PLEKHA1: variants seen among roughly 807,000 people sequenced by gnomAD.
The protein encoded by PLEKHA1 is pleckstrin homology domain containing A1.
Under a neutral mutation model 52.0 loss-of-function variants are expected in PLEKHA1, and 34 were observed. The ratio of observed to expected loss-of-function variants is 0.65; its 90% CI spans 0.50 to 0.87. The LOEUF is 0.87. Ranked by LOEUF, PLEKHA1 falls within the 40% of genes least tolerant of loss-of-function variation. The probability of loss-of-function intolerance (pLI) is 0.00; values close to 1 mark genes in which losing one functional copy is unlikely to be tolerated. For synonymous variants in PLEKHA1, 163 were observed against 170.7 expected (o/e 0.95, Z 0.35); for missense variants, 497 against 504.2 (o/e 0.99, Z 0.14).
intron 7 of PLEKHA1, among the ~76,000 whole-genome samples, chr10:122,417,563 T>C (rs2097195802): frequency 6.7e-6 from 1 of 149,282 alleles, no homozygotes; most frequent in Non-Finnish European, 1.5e-5. Flanking sequence ...GCAGGAGAAT[T>C]GCTTGAACCC....
At chr10:122,413,820 G>A (rs2097138749) in intron 6 of PLEKHA1, among the ~76,000 whole-genome samples, 4 of 152,008 alleles carry the variant, frequency 2.6e-5, no homozygotes, top group Admixed American at 1.3e-4. Context: ...TAATCAATTG[G>A]TATTGCCAAG....
rs553822956 is a variant in PLEKHA1 at position 122,419,294 on chromosome 10, C to T, written c.681+1326C>T. On this transcript the variant is annotated intron_variant, in intron 8 of 11. Coordinates refer to ENST00000368990, the MANE Select transcript of PLEKHA1 (RefSeq NM_001001974.4). ...AGACTCTTGTAGTCTTTTATGATCA[C>T]AGGGCCTGGCACTTGATAGACAATA... 4.6e-5 allele frequency: 7 copies of T among 152,298 alleles called. No individual in the cohort carries two copies. The South Asian group carries it at 1.0e-3, about 23-fold the overall frequency. 9.4% of individuals were successfully genotyped at this position (152,298 alleles called of 1,614,324 possible). A position where few individuals can be genotyped will look rare whatever the true frequency, so the allele number is the denominator to read the frequency against.
intron 5 of PLEKHA1, among the ~76,000 whole-genome samples, chr10:122,410,198 C>A (rs934191623): frequency 2.0e-5 from 3 of 152,184 alleles, no homozygotes; most frequent in African/African-American, 7.2e-5. Context: ...TCTTGTTCAT[C>A]TTTTTATTCT....
intron 3 of PLEKHA1, 54 bp from the exon 4 acceptor site, chr10:122,400,289 T>C: frequency 1.4e-6 from 2 of 1,434,662 alleles, no homozygotes; most frequent in Non-Finnish European, 1.9e-6. Flanking sequence ...TATATAAGGT[T>C]GGTTTTAGGA....
downstream of PLEKHA1, chr10:122,432,667 A>G (rs2097423885): frequency 6.6e-6 from 1 of 152,020 alleles, no homozygotes; most frequent in Non-Finnish European, 1.5e-5. Context: ...GGCTGCTCAC[A>G]GTGCTCCATG....
chr10:122,437,371 G>T, the PLEKHA1 span: 7,896 of 152,268 alleles, frequency 0.052, 256 homozygotes, highest in East Asian at 0.14. Flanking sequence ...GATCATGATT[G>T]CAGTATTGGT....
intron 8 of PLEKHA1, 103 bp from the exon 9 acceptor site, chr10:122,424,096 G>C (rs1401735878): frequency 7.2e-7 from 1 of 1,391,680 alleles, no homozygotes. Context: ...CAGAAAAGAA[G>C]TGTGATTTTC....
intron 2 of PLEKHA1, 56 bp from the exon 3 acceptor site, chr10:122,397,862 T>C (rs1256948621): frequency 3.0e-6 from 4 of 1,317,722 alleles, no homozygotes; most frequent in Non-Finnish European, 4.3e-6. Flanking sequence ...AACATTATAT[T>C]ATAAAATGAA....
chr10:122,405,695 T>C (rs1296029887), intron 4 of PLEKHA1, among the ~76,000 whole-genome samples: 1 of 151,726 alleles, frequency 6.6e-6, no homozygotes, highest in African/African-American at 2.4e-5. Context: ...ATTAGACGCA[T>C]GAAGCAACTA....
At chr10:122,408,636 A>G (rs1291012155) in intron 5 of PLEKHA1, among the ~76,000 whole-genome samples, 1 of 152,194 alleles carries the variant, frequency 6.6e-6, no homozygotes, top group Non-Finnish European at 1.5e-5. Flanking sequence ...AACTTTTGAT[A>G]GACACACATT....
At chr10:122,425,105 A>G (rs955929696) in intron 10 of PLEKHA1, 146 bp downstream of exon 10, 5 of 572,366 alleles carry the variant, frequency 8.7e-6, no homozygotes, top group African/African-American at 5.8e-5. Context: ...AGGGTACTGT[A>G]TATAGAGTTA....
At position 122,407,996 on chromosome 10, in the gene PLEKHA1, C is replaced by T. The variant is rs2421016; in HGVS notation, c.342+1323C>T. ...CAGCTTGTTACCACATGACAGAAAA[C>T]GCCTACGCACCGCATCTGATCTGTA... On this transcript the variant is annotated intron_variant, in intron 5 of 11. Transcript: ENST00000368990. Among the ~76,000 whole-genome samples, 69,848 of 152,022 alleles carry T rather than the reference C, an allele frequency of 0.46. 16,980 individuals carry two copies. Among genetic ancestry groups the T allele is most frequent in the East Asian group, 0.62 (3,211 of 5,162 alleles).
chr10:122,399,267 CT>C (rs989241528), intron 3 of PLEKHA1, among the ~76,000 whole-genome samples: 24 of 152,100 alleles, frequency 1.6e-4, no homozygotes, highest in Admixed American at 1.6e-3. Flanking sequence ...CTTAGAATTC[CT>C]TTTGAAGGTG....
chr10:122,407,013 T>G (rs536183375), intron 5 of PLEKHA1, among the ~76,000 whole-genome samples: 1 of 152,316 alleles, frequency 6.6e-6, no homozygotes, highest in South Asian at 2.1e-4. Flanking sequence ...GTAAGAGATT[T>G]CCTGTCACCT....
intron 1 of PLEKHA1, chr10:122,386,728 G>A (rs1180173737): frequency 6.6e-6 from 1 of 152,124 alleles, no homozygotes; most frequent in African/African-American, 2.4e-5. Context: ...TGGCACCTTG[G>A]TTGAAAATTA....
chr10:122,429,606 T>A lies in PLEKHA1; in HGVS notation c.901-18T>A. ...TCATGAGTGACTGACCGTGTCTGAC[T>A]GCCACTCCTTTTTGCAGGAGCATCC... On this transcript the variant is annotated intron_variant, in intron 11 of 11. Transcript: ENST00000368990. The A allele has an allele frequency of 3.7e-6, 6 of 1,609,916 alleles. No individual in the cohort carries two copies. Among genetic ancestry groups the A allele is most frequent in the Non-Finnish European group, 5.1e-6 (6 of 1,177,328 alleles).
chr10:122,424,215 G>A lies in PLEKHA1; in HGVS notation c.698G>A (p.Arg233His), dbSNP rs12258692. 20 of 1,552,590 alleles carry A rather than the reference G, an allele frequency of 1.3e-5. No individual in the cohort carries two copies. The highest frequency in any genetic ancestry group is 2.3e-5 in the East Asian group (1 of 43,918). Reference protein sequence around the residue: ...FKSELEKEPLRVIPLKEVHKV... With the variant: ...FKSELEKEPLHVIPLKEVHKV... ...TTTTGCCAGGAAAAGGAACCTCTTC[G>A]TGTAATACCACTTAAAGAGGTTCAT... The change falls in exon 9 of 12, where the codon CGT (arginine) becomes CAT (histidine). Residue 233 changes from arginine to histidine, a missense_variant. Physicochemically the swap from Arg to His is conservative, Grantham distance 29. Coordinates refer to ENST00000368990, the MANE Select transcript of PLEKHA1 (RefSeq NM_001001974.4).
intron 8 of PLEKHA1, chr10:122,422,035 CAG>C: frequency 6.6e-6 from 1 of 152,124 alleles, no homozygotes; most frequent in South Asian, 2.1e-4. Flanking sequence ...CAAAAGGACA[CAG>C]AAATTACCTT....
At chr10:122,397,235 G>A (rs1191143009) in intron 2 of PLEKHA1, among the ~76,000 whole-genome samples, 1 of 152,028 alleles carries the variant, frequency 6.6e-6, no homozygotes, top group Non-Finnish European at 1.5e-5. Context: ...CAGCCTAAAT[G>A]TTGTTCATCA....
Sources: gnomAD v4.1 joint callset for allele counts (sites outside exome capture counted in the v4.1 genomes callset) on GRCh38, gnomAD v4.1.1 for gene constraint, MANE v1.5 for transcripts, NCBI Gene and HGNC (gene_info 2026-07-23, HGNC 2026-07-21) for gene names.